RALYL: variants seen among roughly 807,000 people sequenced by gnomAD.
RALYL encodes RALY RNA binding protein like.
RALYL carries 29 observed loss-of-function variants against 35.1 expected under a neutral mutation model. That is an observed-to-expected ratio of 0.83 (90% CI 0.61 to 1.13). RALYL has a LOEUF of 1.13. Among genes scored for constraint, RALYL ranks in the 50% most tolerant of loss-of-function variants. The pLI is 0.00. For synonymous variants in RALYL, 120 were observed against 127.6 expected (o/e 0.94, Z 0.40); for missense variants, 359 against 360.4 (o/e 1.00, Z 0.03).
chr8:84,877,158 G>A (rs1841304033), intron 7 of RALYL, among the ~76,000 whole-genome samples: 1 of 152,102 alleles, frequency 6.6e-6, no homozygotes, highest in East Asian at 1.9e-4. Flanking sequence ...GAAACTTAAT[G>A]TCTAATTCTT....
intron 5 of RALYL, among the ~76,000 whole-genome samples, chr8:84,859,389 T>G (rs1837673095): frequency 6.6e-6 from 1 of 152,148 alleles, no homozygotes. Context: ...GAAGTCAGCA[T>G]GAAACAGCCT....
At chr8:84,430,682 A>G (rs934906946) in intron 1 of RALYL, among the ~76,000 whole-genome samples, 2 of 152,132 alleles carry the variant, frequency 1.3e-5, no homozygotes, top group Non-Finnish European at 1.5e-5. Flanking sequence ...ATTATGAATG[A>G]CAATTTTGAA....
intron 1 of RALYL, among the ~76,000 whole-genome samples, chr8:84,355,507 A>G (rs1315052942): frequency 6.6e-6 from 1 of 150,642 alleles, no homozygotes; most frequent in Non-Finnish European, 1.5e-5. Flanking sequence ...GATCTTATGT[A>G]CCAGCATAAG....
intron 4 of RALYL, among the ~76,000 whole-genome samples, chr8:84,839,442 G>A (rs545932738): frequency 6.6e-6 from 1 of 152,356 alleles, no homozygotes; most frequent in African/African-American, 2.4e-5. Context: ...CCATTGCCCA[G>A]GCTTCAGTAG....
chr8:84,262,866 C>T (rs985963599), intron 1 of RALYL, among the ~76,000 whole-genome samples: 10 of 152,088 alleles, frequency 6.6e-5, no homozygotes, highest in Non-Finnish European at 1.2e-4. Context: ...CACTTTTATA[C>T]ATCTATGTGT....
chr8:84,414,905 G>A (rs1346952587), intron 1 of RALYL, among the ~76,000 whole-genome samples: 1 of 152,088 alleles, frequency 6.6e-6, no homozygotes. Context: ...GAATGTTTGT[G>A]GTAATCATCG....
At position 84,371,539 on chromosome 8, in the gene RALYL, TCACACA is replaced by T. The variant is rs5892914; in HGVS notation, c.-23-157731_-23-157726del. Among the ~76,000 whole-genome samples, 83 of 144,158 alleles carry T rather than the reference TCACACA, an allele frequency of 5.8e-4. 1 individual carries two copies. Among genetic ancestry groups the T allele is most frequent in the South Asian group, 3.4e-3 (15 of 4,466 alleles). 94.6% of individuals were successfully genotyped at this position (144,158 alleles called of 152,430 possible). A position where few individuals can be genotyped will look rare whatever the true frequency, so the allele number is the denominator to read the frequency against. On this transcript the variant is annotated intron_variant, in intron 1 of 8. Transcript: ENST00000521268. The stretch of plus-strand genomic sequence containing the variant: ...AAAATAGGGAATAAATTTATGATTA[TCACACA>T]CACACACACACACACACACACACAC...
chr8:84,859,084 G>A (rs1236937235), intron 5 of RALYL, among the ~76,000 whole-genome samples: 1 of 152,124 alleles, frequency 6.6e-6, no homozygotes, highest in Non-Finnish European at 1.5e-5. Context: ...TACTCCACAG[G>A]GTGGGAGCCA....
At chr8:84,294,791 C>T (rs141026731) in intron 1 of RALYL, among the ~76,000 whole-genome samples, 2,963 of 152,012 alleles carry the variant, frequency 0.019, 46 homozygotes, top group Non-Finnish European at 0.028. Context: ...TCTGGGAAGA[C>T]CTCAGTTTTG....
chr8:84,631,249 G>A (rs1351000079), intron 2 of RALYL, among the ~76,000 whole-genome samples: 1 of 151,974 alleles, frequency 6.6e-6, no homozygotes, highest in Admixed American at 6.6e-5. Flanking sequence ...AATATGGACT[G>A]TATGAAAATG....
At chr8:84,808,879 C>A (rs1586441983) in intron 4 of RALYL, among the ~76,000 whole-genome samples, 1 of 152,112 alleles carries the variant, frequency 6.6e-6, no homozygotes, top group South Asian at 2.1e-4. Flanking sequence ...TTGCTGAATT[C>A]TTTTATCCAT....
At chr8:84,785,422 A>G (rs1363920232) in intron 3 of RALYL, among the ~76,000 whole-genome samples, 1 of 152,180 alleles carries the variant, frequency 6.6e-6, no homozygotes, top group Non-Finnish European at 1.5e-5. Context: ...GAGTTGAATT[A>G]AAACACCTCT....
At chr8:84,588,006 C>G (rs918026096) in intron 2 of RALYL, among the ~76,000 whole-genome samples, 5 of 152,098 alleles carry the variant, frequency 3.3e-5, no homozygotes. Context: ...ATTTTCTACC[C>G]ACACACCCCA....
chr8:84,594,073 T>C (rs1813915374), intron 2 of RALYL, among the ~76,000 whole-genome samples: 1 of 152,064 alleles, frequency 6.6e-6, no homozygotes, highest in South Asian at 2.1e-4. Context: ...TCTCAACATT[T>C]TCTATTTAGC....
chr8:84,480,644 G>A (rs1247763739), intron 1 of RALYL, among the ~76,000 whole-genome samples: 1 of 152,126 alleles, frequency 6.6e-6, no homozygotes, highest in Non-Finnish European at 1.5e-5. Flanking sequence ...GAAATGTGGT[G>A]ATAAGAGAGC....
At chr8:84,214,772 C>T (rs1474512603) in intron 1 of RALYL, among the ~76,000 whole-genome samples, 1 of 152,054 alleles carries the variant, frequency 6.6e-6, no homozygotes, top group Non-Finnish European at 1.5e-5. Flanking sequence ...TAGGAATTAG[C>T]ATTTAAGACC....
chr8:84,374,317 C>T (rs1856498221), intron 1 of RALYL, among the ~76,000 whole-genome samples: 1 of 151,918 alleles, frequency 6.6e-6, no homozygotes, highest in African/African-American at 2.4e-5. Flanking sequence ...AGCTTTTCCC[C>T]ATTTGGTATG....
chr8:84,645,869 T>C (rs1827375450), intron 2 of RALYL, among the ~76,000 whole-genome samples: 1 of 152,114 alleles, frequency 6.6e-6, no homozygotes, highest in Non-Finnish European at 1.5e-5. Context: ...TTCTCATGCT[T>C]TTGTACCTTG....
At chr8:84,322,200 A>G (rs191771268) in intron 1 of RALYL, among the ~76,000 whole-genome samples, 6 of 152,262 alleles carry the variant, frequency 3.9e-5, no homozygotes, top group Non-Finnish European at 7.4e-5. Context: ...AGAATATAAA[A>G]CAGCAGAGTA....
Sources: allele counts gnomAD v4.1 joint callset (sites outside exome capture counted in the v4.1 genomes callset), GRCh38; gene constraint gnomAD v4.1.1; transcripts MANE v1.5; gene names NCBI Gene and HGNC (gene_info 2026-07-23, HGNC 2026-07-21).